Variants in TCTN2 observed in about 807,000 individuals in gnomAD.
TCTN2 encodes the protein tectonic-2.
In TCTN2, 66 loss-of-function variants were observed where a neutral mutation model predicts 83.4. That is an observed-to-expected ratio of 0.79 (90% CI 0.65 to 0.97). The LOEUF (loss-of-function observed/expected upper bound fraction) is 0.97. TCTN2 is among the 50% of genes least tolerant of loss of function. The pLI is 0.00. For missense variants in TCTN2, 794 were observed against 858.1 expected (o/e 0.93, Z 0.93); for synonymous variants, 301 against 326.7 (o/e 0.92, Z 0.85).
intron 3 of TCTN2, 58 bp from the exon 4 acceptor site, chr12:123,673,557 T>A (rs748806181): frequency 3.7e-5 from 56 of 1,533,938 alleles, no homozygotes; most frequent in Non-Finnish European, 4.8e-5. Flanking sequence ...TTCCATTATG[T>A]ATTCTTATAG....
chr12:123,694,317 C>T (rs949814456), intron 9 of TCTN2, among the ~76,000 whole-genome samples: 3 of 152,094 alleles, frequency 2.0e-5, no homozygotes, highest in Non-Finnish European at 2.9e-5. Flanking sequence ...TTAGTAGAGA[C>T]AGGGTTTCGC....
rs1011092991 is a variant in TCTN2, at chr12:123,699,684, A to C, written c.1506-20A>C. The C allele has an allele frequency of 1.9e-6, 3 of 1,596,348 alleles. No homozygotes were observed. Among genetic ancestry groups the C allele is most frequent in the Middle Eastern group, 1.7e-4 (1 of 6,040 alleles). On this transcript the variant is annotated intron_variant, in intron 13 of 17. Coordinates refer to ENST00000303372, the MANE Select transcript of TCTN2 (RefSeq NM_024809.5). ...AAGACCTGCTGGCCATGAGCTGAGA[A>C]ATGTCTTACTCTCTTGCAGGGAGAA...
At chr12:123,675,294 C>G (rs1030598237) in intron 4 of TCTN2, among the ~76,000 whole-genome samples, 1 of 152,094 alleles carries the variant, frequency 6.6e-6, no homozygotes. Context: ...TGTTCTTAAA[C>G]CAAAAGAGCT....
At chr12:123,687,319 T>C (rs1161904728) in intron 6 of TCTN2, among the ~76,000 whole-genome samples, 1 of 152,160 alleles carries the variant, frequency 6.6e-6, no homozygotes, top group Non-Finnish European at 1.5e-5. Context: ...ATGTTCTGTA[T>C]TTTACAGTTT....
At chr12:123,681,501 T>C (rs1955899511) in intron 5 of TCTN2, among the ~76,000 whole-genome samples, 1 of 152,242 alleles carries the variant, frequency 6.6e-6, no homozygotes, top group Non-Finnish European at 1.5e-5. Flanking sequence ...ATATGTGGTC[T>C]TCAGTGACTT....
Position 123,699,826 on chromosome 12 carries a change from G to A in TCTN2, c.1612+16G>A, listed in dbSNP as rs763269335. 9.4e-6 allele frequency: 15 copies of A among 1,602,670 alleles called. No homozygotes were observed. In the Admixed American group the frequency reaches 1.0e-4, roughly 11 times the overall value. On this transcript the variant is annotated intron_variant, in intron 14 of 17. Coordinates refer to ENST00000303372, the MANE Select transcript of TCTN2 (RefSeq NM_024809.5). ...GAAATAATACGTAAGTCAAACCCGGGTACAATAAAGCCTGTAACTTGGTTG... is the reference window on the plus strand; with the variant it reads ...GAAATAATACGTAAGTCAAACCCGGATACAATAAAGCCTGTAACTTGGTTG...
rs774095891 is a variant in TCTN2, at chr12:123,672,104, A to C, written c.239A>C (p.Asp80Ala). The change falls in exon 3 of 18, where the codon GAC becomes GCC. Residue 80 changes from aspartate (D) to alanine (A), a missense_variant. Transcript: ENST00000303372. ...GGAGTGCTGAACAATGAGACGGAAGACTGGAGCGTGACTGTGATCCCCGGT... is the reference window on the plus strand; with the variant it reads ...GGAGTGCTGAACAATGAGACGGAAGCCTGGAGCGTGACTGTGATCCCCGGT... ...TCGVLNNETE[D>A]WSVTVIPGAK... is the part of the protein sequence containing the mutation. The C allele has an allele frequency of 2.5e-6, 4 of 1,614,056 alleles. No homozygotes were observed. The African/African-American group carries it at 5.3e-5, about 22-fold the overall frequency.
chr12:123,688,211 C>G (rs769500682), intron 7 of TCTN2, 34 bp downstream of exon 7: 35 of 1,548,464 alleles, frequency 2.3e-5, no homozygotes, highest in Non-Finnish European at 3.1e-5. Flanking sequence ...CTAGACCGTT[C>G]TCTTTTTTTT....
In TCTN2 at chr12:123,703,245, A is replaced by G. The variant is rs557657385; in HGVS notation, c.1613-1287A>G. ...TTTGTTGCTGGAGTGCAGTGGCATG[A>G]TCTCGGCTCACTGCAACCTCCACCT... is the stretch of plus-strand genomic sequence containing the variant. On this transcript the variant is annotated intron_variant, in intron 14 of 17. Transcript: ENST00000303372. Among the ~76,000 whole-genome samples, 28 of 150,134 alleles carry G rather than the reference A, an allele frequency of 1.9e-4. 1 individual carries two copies. Among genetic ancestry groups the G allele is most frequent in the African/African-American group, 6.9e-4 (28 of 40,822 alleles).
At chr12:123,686,799 C>T (rs1422189131) in intron 5 of TCTN2, 37 bp from the exon 6 acceptor site, 1 of 1,607,708 alleles carries the variant, frequency 6.2e-7, no homozygotes, top group Non-Finnish European at 8.5e-7. Flanking sequence ...AGATCCTGAC[C>T]ACGGTCACAG....
chr12:123,701,699 C>T (rs996546653), intron 14 of TCTN2, among the ~76,000 whole-genome samples: 8 of 150,962 alleles, frequency 5.3e-5, no homozygotes, highest in East Asian at 1.9e-4. Context: ...GCCGAGATTG[C>T]GCCACTGCAC....
intron 4 of TCTN2, 100 bp from the exon 5 acceptor site, chr12:123,679,089 G>A (rs373790859): frequency 2.5e-5 from 28 of 1,100,582 alleles, no homozygotes; most frequent in Middle Eastern, 2.5e-4. Context: ...GAGCCACCGC[G>A]CCTGGCCGAT....
intron 6 of TCTN2, among the ~76,000 whole-genome samples, chr12:123,687,280 G>A (rs1022685472): frequency 6.6e-5 from 10 of 152,206 alleles, no homozygotes; most frequent in Admixed American, 5.9e-4. Context: ...TAGGGGAGGT[G>A]AAGGAGTGGT....
chr12:123,701,611 T>C (rs971103962), intron 14 of TCTN2, among the ~76,000 whole-genome samples: 8 of 150,490 alleles, frequency 5.3e-5, no homozygotes, highest in African/African-American at 1.7e-4. Context: ...GGCGTGGTGG[T>C]GGGCGCCTGT....
chr12:123,675,604 C>T (rs1360843126), intron 4 of TCTN2, among the ~76,000 whole-genome samples: 2 of 152,162 alleles, frequency 1.3e-5, no homozygotes, highest in Non-Finnish European at 2.9e-5. Flanking sequence ...ATGGAAAGGC[C>T]TCCATGATGA....
chr12:123,673,107 A>G (rs999833120), intron 3 of TCTN2, among the ~76,000 whole-genome samples: 2 of 152,302 alleles, frequency 1.3e-5, no homozygotes, highest in East Asian at 3.9e-4. Flanking sequence ...GTGTAAGGAT[A>G]CTCAAACCTG....
At chr12:123,685,575 C>A (rs771093149) in intron 5 of TCTN2, among the ~76,000 whole-genome samples, 5 of 151,974 alleles carry the variant, frequency 3.3e-5, no homozygotes, top group Non-Finnish European at 5.9e-5. Flanking sequence ...TGTGCCACCA[C>A]GCCTGGCTAA....
rs1956254119 is a variant in TCTN2 at position 123,708,072 on chromosome 12, A to ATCGCGGC, written c.*361_*362insGCGGCTC. On this transcript the variant is annotated 3_prime_UTR_variant, in exon 18 of 18. Coordinates refer to ENST00000303372, the MANE Select transcript of TCTN2 (RefSeq NM_024809.5). ...CACCCAGGCTGGAGTGCAGTGCACA[A>ATCGCGGC]TCTCGGCTCACTGCAATCTCTGCCT... The ATCGCGGC allele has an allele frequency of 3.8e-6, 1 of 262,726 alleles. No individual in the cohort carries two copies. Among genetic ancestry groups the ATCGCGGC allele is most frequent in the Non-Finnish European group, 7.0e-6 (1 of 142,004 alleles). The allele number at this position is 262,726 out of a possible 1,614,324, so 16.3% of individuals were successfully genotyped here. A position where few individuals can be genotyped will look rare whatever the true frequency, so the allele number is the denominator to read the frequency against.
At chr12:123,704,759 GA>G in intron 15 of TCTN2, 71 bp downstream of exon 15, 1 of 1,524,452 alleles carries the variant, frequency 6.6e-7, no homozygotes, top group Non-Finnish European at 9.1e-7. Flanking sequence ...AAACAATAGG[GA>G]AATGTTTATT....
Sources: allele counts gnomAD v4.1 joint callset (sites outside exome capture counted in the v4.1 genomes callset), GRCh38; gene constraint gnomAD v4.1.1; transcripts MANE v1.5; gene names NCBI Gene and HGNC (gene_info 2026-07-23, HGNC 2026-07-21).